LINC00632: variants seen among roughly 807,000 people sequenced by gnomAD.
LINC00632 encodes the protein ALDOA related specific transcript.
intron 3 of LINC00632, among the ~76,000 whole-genome samples, chrX:140,756,656 T>C (rs139836999): frequency 5.4e-4 from 61 of 112,148 alleles, no homozygotes; most frequent in African/African-American, 1.9e-3. Context: ...CTAGCCCACA[T>C]GCATAGGCAA....
chrX:140,748,523 T>C (rs2148391923), intron 3 of LINC00632, among the ~76,000 whole-genome samples: 1 of 111,126 alleles, frequency 9.0e-6, no homozygotes, highest in Non-Finnish European at 1.9e-5. Flanking sequence ...ATAATTGCAA[T>C]CCATTTTATT....
At chrX:140,730,934 C>T (rs185414171) in intron 2 of LINC00632, among the ~76,000 whole-genome samples, 2 of 109,420 alleles carry the variant, frequency 1.8e-5, no homozygotes, top group Admixed American at 9.8e-5. Context: ...TGGAGTCTTG[C>T]TCTGCTGCCC....
At chrX:140,754,150 A>G (rs1358099471) in intron 3 of LINC00632, among the ~76,000 whole-genome samples, 1 of 111,411 alleles carries the variant, frequency 9.0e-6, no homozygotes, top group Non-Finnish European at 1.9e-5. Context: ...CCAGTTCAAA[A>G]ACCTCCCAAG....
chrX:140,768,032 C>G (rs1037679322), intron 3 of LINC00632, among the ~76,000 whole-genome samples: 1 of 111,517 alleles, frequency 9.0e-6, no homozygotes, highest in African/African-American at 3.3e-5. Context: ...AACCATAACG[C>G]AGCTCCATGA....
intron 3 of LINC00632, among the ~76,000 whole-genome samples, chrX:140,746,625 T>A (rs1389864528): frequency 8.9e-6 from 1 of 112,327 alleles, no homozygotes; most frequent in Non-Finnish European, 1.9e-5. Flanking sequence ...TACAATCATG[T>A]AATCAACACT....
At chrX:140,723,632 CACACACACATTCCAT>C (rs1485622944) in intron 2 of LINC00632, among the ~76,000 whole-genome samples, 8 of 40,580 alleles carry the variant, frequency 2.0e-4, no homozygotes, top group African/African-American at 3.0e-4. Context: ...ACATTCCATA[CACACACACATTCCAT>C]ACACACACAC....
chrX:140,749,621 G>A (rs1387210599), intron 3 of LINC00632, among the ~76,000 whole-genome samples: 1 of 111,157 alleles, frequency 9.0e-6, no homozygotes, highest in Non-Finnish European at 1.9e-5. Context: ...AGGAAGAGAA[G>A]TAATGTTTGT....
intron 3 of LINC00632, among the ~76,000 whole-genome samples, chrX:140,749,056 A>G (rs1367624045): frequency 9.1e-6 from 1 of 110,319 alleles, no homozygotes; most frequent in African/African-American, 3.3e-5. Context: ...TTACAACTGT[A>G]GATTTTAGTG....
intron 2 of LINC00632, among the ~76,000 whole-genome samples, chrX:140,727,677 A>G (rs1021129655): frequency 1.8e-4 from 20 of 111,618 alleles, no homozygotes; most frequent in African/African-American, 5.9e-4. Flanking sequence ...GTAACACCTA[A>G]AGTTGCCTGA....
intron 2 of LINC00632, among the ~76,000 whole-genome samples, chrX:140,723,759 CAT>C (rs1367464403): frequency 9.5e-4 from 1 of 1,049 alleles, no homozygotes; most frequent in African/African-American, 2.6e-3. Flanking sequence ...CATACACACA[CAT>C]ATTCCATACA....
chrX:140,774,513 A>G (rs1423558916), exon 5 of LINC00632, among the ~76,000 whole-genome samples: 2 of 111,510 alleles, frequency 1.8e-5, no homozygotes, highest in Admixed American at 1.9e-4. Flanking sequence ...TCAGACTCTG[A>G]TGGCTCTGAT....
intron 3 of LINC00632, among the ~76,000 whole-genome samples, chrX:140,744,604 T>G (rs1602743911): frequency 9.7e-6 from 1 of 103,078 alleles, no homozygotes; most frequent in African/African-American, 3.5e-5. Context: ...GAGTCTTGCT[T>G]TGTCGCCCAG....
intron 2 of LINC00632, among the ~76,000 whole-genome samples, chrX:140,717,376 C>T (rs1323213172): frequency 9.0e-6 from 1 of 110,650 alleles, no homozygotes; most frequent in Non-Finnish European, 1.9e-5. Flanking sequence ...CCGAACACTG[C>T]CACACGTATG....
intron 3 of LINC00632, among the ~76,000 whole-genome samples, chrX:140,749,018 AG>A (rs1362723074): frequency 9.1e-6 from 1 of 110,157 alleles, no homozygotes; most frequent in Non-Finnish European, 1.9e-5. Flanking sequence ...ATTTAATATT[AG>A]TGGCATTTAT....
exon 5 of LINC00632, among the ~76,000 whole-genome samples, chrX:140,777,202 AAC>A (rs1399785781): frequency 5.4e-5 from 6 of 111,415 alleles, no homozygotes; most frequent in African/African-American, 2.0e-4. Flanking sequence ...CGGGGCTTAA[AAC>A]CTAGATGAAG....
At chrX:140,748,415 G>A (rs1931360647) in intron 3 of LINC00632, among the ~76,000 whole-genome samples, 1 of 111,700 alleles carries the variant, frequency 9.0e-6, no homozygotes, top group Non-Finnish European at 1.9e-5. Context: ...ATGGCTGCAG[G>A]TGAACACTTG....
intron 2 of LINC00632, among the ~76,000 whole-genome samples, chrX:140,720,018 C>T (rs767486083): frequency 4.8e-5 from 5 of 104,478 alleles, no homozygotes; most frequent in East Asian, 3.3e-4. Flanking sequence ...ACCTGGGAGG[C>T]GGAGGTTGCG....
At chrX:140,760,590 GAGAAACCCTGTCTCTACTAAAAATACAA>G (rs1931581416) in intron 3 of LINC00632, among the ~76,000 whole-genome samples, 1 of 111,810 alleles carries the variant, frequency 8.9e-6, no homozygotes, top group African/African-American at 3.3e-5. Flanking sequence ...TACCAACATG[GAGAAACCCTGTCTCTACTAAAAATACAA>G]CGATTAGCTG....
At chrX:140,739,465 C>T (rs1227301162) in intron 3 of LINC00632, among the ~76,000 whole-genome samples, 2 of 110,896 alleles carry the variant, frequency 1.8e-5, no homozygotes, top group African/African-American at 6.6e-5. Flanking sequence ...AGGTGATCTG[C>T]CTGCCTTGGC....
Sources: gnomAD v4.1 joint callset for allele counts (sites outside exome capture counted in the v4.1 genomes callset) on GRCh38, gnomAD v4.1.1 for gene constraint, MANE v1.5 for transcripts, NCBI Gene and HGNC (gene_info 2026-07-23, HGNC 2026-07-21) for gene names.